RDX: variants seen among roughly 807,000 people sequenced by gnomAD.
RDX encodes radixin.
A neutral mutation model predicts 83.7 loss-of-function variants in RDX; 32 were observed. That is an observed-to-expected ratio of 0.38 (90% confidence interval 0.29 to 0.51). The LOEUF (loss-of-function observed/expected upper bound fraction) is 0.51. Ranked by LOEUF, RDX falls within the 20% of genes least tolerant of loss-of-function variation. The pLI is 0.87. For synonymous variants in RDX, 229 were observed against 222.7 expected, an observed-to-expected ratio of 1.03 and a Z score of -0.25; for missense variants, 600 against 689.9, an observed-to-expected ratio of 0.87 and a Z score of 1.46.
chr11:110,199,424 T>C (rs1317629486), intron 15 of RDX, among the ~76,000 whole-genome samples: 2 of 152,110 alleles, frequency 1.3e-5, no homozygotes, highest in Non-Finnish European at 2.9e-5. Context: ...AAGATAGAGG[T>C]TGCTCTTGGT....
chr11:110,261,269 A>AAAAGGT (rs1405749609), intron 5 of RDX, among the ~76,000 whole-genome samples: 2 of 152,248 alleles, frequency 1.3e-5, no homozygotes, highest in Non-Finnish European at 2.9e-5. Flanking sequence ...TCATTTTGAT[A>AAAAGGT]AAAGGTATTA....
intron 15 of RDX, among the ~76,000 whole-genome samples, chr11:110,198,290 A>G (rs1247258622): frequency 6.6e-6 from 1 of 152,100 alleles, no homozygotes; most frequent in Non-Finnish European, 1.5e-5. Context: ...CTGCCAAAAA[A>G]AAAAAGAATT....
intron 3 of RDX, 87 bp from the exon 4 acceptor site, chr11:110,264,961 A>G (rs956352716): frequency 1.1e-6 from 1 of 927,616 alleles, no homozygotes; most frequent in African/African-American, 1.6e-5. Context: ...AAGGAGAACA[A>G]AACTATGTAA....
chr11:110,255,161 G>A (rs1859488211), intron 8 of RDX, 128 bp downstream of exon 8: 7 of 587,810 alleles, frequency 1.2e-5, no homozygotes. Context: ...TGGGAAAGCT[G>A]ACCTATGGAA....
chr11:110,183,315 T>A (rs923264189), intron 15 of RDX, among the ~76,000 whole-genome samples: 3 of 152,174 alleles, frequency 2.0e-5, no homozygotes, highest in Non-Finnish European at 2.9e-5. Flanking sequence ...TATTAATATA[T>A]GTATATCTGT....
intron 15 of RDX, among the ~76,000 whole-genome samples, chr11:110,186,116 A>G (rs1006904523): frequency 2.0e-5 from 3 of 152,256 alleles, no homozygotes; most frequent in African/African-American, 7.2e-5. Context: ...CAGGACTGAC[A>G]TCTGATAGTT....
intron 12 of RDX, among the ~76,000 whole-genome samples, chr11:110,234,019 A>G (rs1387741690): frequency 1.3e-5 from 2 of 152,202 alleles, no homozygotes; most frequent in South Asian, 4.1e-4. Flanking sequence ...TTGGGTGATC[A>G]TATTATCTTG....
chr11:110,288,345 GA>G (rs1861071014), intron 1 of RDX: 1 of 152,096 alleles, frequency 6.6e-6, no homozygotes, highest in African/African-American at 2.4e-5. Context: ...AAGGTGAGCA[GA>G]AAACAAAATA....
At chr11:110,267,287 T>A (rs1360121816) in intron 3 of RDX, among the ~76,000 whole-genome samples, 2 of 151,430 alleles carry the variant, frequency 1.3e-5, no homozygotes. Flanking sequence ...CCAAGGCAGC[T>A]AGATCACTTG....
intron 15 of RDX, among the ~76,000 whole-genome samples, chr11:110,199,428 T>C (rs1469678526): frequency 6.6e-6 from 1 of 152,202 alleles, no homozygotes; most frequent in African/African-American, 2.4e-5. Flanking sequence ...TAGAGGTTGC[T>C]CTTGGTCAGT....
At chr11:110,242,367 G>T (rs974880239) in intron 10 of RDX, among the ~76,000 whole-genome samples, 1 of 150,970 alleles carries the variant, frequency 6.6e-6, no homozygotes, top group Non-Finnish European at 1.5e-5. Context: ...CCGGGAGGCA[G>T]AGGTTGCAGT....
At chr11:110,215,047 AAAAT>A (rs139719076) in intron 14 of RDX, among the ~76,000 whole-genome samples, 28,060 of 115,422 alleles carry the variant, frequency 0.24, 2,683 homozygotes, top group East Asian at 0.4. Context: ...AAAAAAAAAA[AAAAT>A]ATATATATAT....
chr11:110,232,179 T>C (rs757670757), intron 13 of RDX, 146 bp from the exon 14 acceptor site: 59 of 686,576 alleles, frequency 8.6e-5, no homozygotes, highest in South Asian at 1.4e-4. Context: ...GTTTTAGTAA[T>C]AGTGGTGGCA....
chr11:110,211,122 G>T (rs1368385153), intron 14 of RDX, among the ~76,000 whole-genome samples: 1 of 152,066 alleles, frequency 6.6e-6, no homozygotes, highest in Non-Finnish European at 1.5e-5. Flanking sequence ...ACACACATAG[G>T]CTCAAAATAA....
chr11:110,288,000 A>T (rs192992615), intron 1 of RDX, among the ~76,000 whole-genome samples: 2 of 152,348 alleles, frequency 1.3e-5, no homozygotes, highest in Admixed American at 1.3e-4. Flanking sequence ...CTCTATTGTT[A>T]GCAGGTCAAG....
chr11:110,266,697 G>A (rs1185805573), intron 3 of RDX, among the ~76,000 whole-genome samples: 1 of 151,844 alleles, frequency 6.6e-6, no homozygotes, highest in African/African-American at 2.4e-5. Context: ...CCTCCTGAAT[G>A]GCTGGGACTA....
intron 14 of RDX, among the ~76,000 whole-genome samples, chr11:110,220,021 A>G (rs1864190964): frequency 6.6e-6 from 1 of 152,156 alleles, no homozygotes; most frequent in South Asian, 2.1e-4. Flanking sequence ...ACACATATAA[A>G]TTATGTATTT....
intron 1 of RDX, among the ~76,000 whole-genome samples, chr11:110,286,045 C>T (rs1860967643): frequency 1.5e-5 from 2 of 137,476 alleles, no homozygotes; most frequent in African/African-American, 2.5e-5. Flanking sequence ...CTCCCTCCTC[C>T]CCACTCTTAA....
intron 1 of RDX, chr11:110,288,302 T>G (rs1861069522): frequency 6.6e-6 from 1 of 152,190 alleles, no homozygotes; most frequent in African/African-American, 2.4e-5. Context: ...GTTTTGTAAA[T>G]TTAAAAAGGA....
Sources: gnomAD v4.1 joint callset for allele counts (sites outside exome capture counted in the v4.1 genomes callset) on GRCh38, gnomAD v4.1.1 for gene constraint, MANE v1.5 for transcripts, NCBI Gene and HGNC (gene_info 2026-07-23, HGNC 2026-07-21) for gene names.